SLCO1A2: variants seen among roughly 807,000 people sequenced by gnomAD.
The protein encoded by SLCO1A2 is solute carrier organic anion transporter family member 1A2.
In SLCO1A2, 67 loss-of-function variants were observed where a neutral mutation model predicts 69.0. The observed-to-expected ratio is 0.97, with a 90% CI of 0.80 to 1.19. SLCO1A2 has a LOEUF of 1.19. Ranked by LOEUF, SLCO1A2 falls within the 50% of genes most tolerant of loss-of-function variation. The pLI, the probability that SLCO1A2 is intolerant of heterozygous loss-of-function variation, is 0.00. For missense variants in SLCO1A2, 787 were observed against 793.7 expected (o/e 0.99, Z 0.10); for synonymous variants, 260 against 265.9 (o/e 0.98, Z 0.22).
intron 12 of SLCO1A2, among the ~76,000 whole-genome samples, chr12:21,279,174 A>G (rs2136151116): frequency 6.6e-6 from 1 of 152,176 alleles, no homozygotes; most frequent in Middle Eastern, 3.4e-3. Flanking sequence ...CAAAAGAAAA[A>G]AAGAATAAAA....
At chr12:21,411,506 T>C (rs1941906887) in intron 1 of SLCO1A2, among the ~76,000 whole-genome samples, 1 of 152,180 alleles carries the variant, frequency 6.6e-6, no homozygotes. Context: ...TATGGCTTTA[T>C]CATAAGCATT....
intron 1 of SLCO1A2, among the ~76,000 whole-genome samples, chr12:21,393,614 A>G (rs749282362): frequency 7.2e-5 from 11 of 152,194 alleles, no homozygotes; most frequent in Non-Finnish European, 1.5e-4. Context: ...ACAATGCCCA[A>G]TTTAATTTTT....
intron 1 of SLCO1A2, among the ~76,000 whole-genome samples, chr12:21,383,380 C>T (rs1207783518): frequency 6.6e-6 from 1 of 152,172 alleles, no homozygotes; most frequent in African/African-American, 2.4e-5. Context: ...ACGTCCTCCC[C>T]ATGGAATTTT....
upstream of SLCO1A2, chr12:21,395,454 C>A (rs1392028964): frequency 6.5e-6 from 1 of 154,886 alleles, no homozygotes; most frequent in Non-Finnish European, 1.4e-5. Context: ...GGAGGGGCGC[C>A]CGCCATTGCC....
intron 1 of SLCO1A2, among the ~76,000 whole-genome samples, chr12:21,412,963 G>C (rs1178616214): frequency 6.6e-6 from 1 of 152,178 alleles, no homozygotes; most frequent in Non-Finnish European, 1.5e-5. Flanking sequence ...CTGGTACCCA[G>C]TTCTGCCAGA....
chr12:21,298,985 A>G (rs1362438751), intron 8 of SLCO1A2, among the ~76,000 whole-genome samples: 1 of 152,170 alleles, frequency 6.6e-6, no homozygotes, highest in Non-Finnish European at 1.5e-5. Flanking sequence ...AGAAACAACA[A>G]TGACAACATA....
At chr12:21,364,998 T>A (rs1004973787) in intron 2 of SLCO1A2, among the ~76,000 whole-genome samples, 1 of 152,092 alleles carries the variant, frequency 6.6e-6, no homozygotes, top group Non-Finnish European at 1.5e-5. Flanking sequence ...TTCAATGCCA[T>A]CCCCATCAAG....
rs1296801368 is a variant in SLCO1A2, at chr12:21,314,742, TC to T, written c.203-62del. On this transcript the variant is annotated intron_variant, in intron 3 of 14. Transcript: ENST00000683939. The stretch of plus-strand genomic sequence containing the variant: ...ATGAACAAAGTCTTAATTAAGAGCC[TC>T]ACCCAATCATTTACATTCTAGCATT... 5 of 1,228,426 alleles carry T rather than the reference TC, an allele frequency of 4.1e-6. No homozygotes were observed. The African/African-American group carries it at 7.5e-5, about 19-fold the overall frequency. The allele number at this position is 1,228,426 out of a possible 1,614,324, so 76.1% of individuals were successfully genotyped here.
intron 2 of SLCO1A2, among the ~76,000 whole-genome samples, chr12:21,369,208 T>C (rs1565519292): frequency 6.6e-6 from 1 of 152,224 alleles, no homozygotes. Context: ...ATGAATTATA[T>C]CCTGACACTC....
intron 8 of SLCO1A2, among the ~76,000 whole-genome samples, chr12:21,298,914 G>T (rs536678688): frequency 6.6e-6 from 1 of 152,120 alleles, no homozygotes; most frequent in Non-Finnish European, 1.5e-5. Flanking sequence ...TGATTTAAGA[G>T]AATTTACAAT....
At chr12:21,412,828 A>G (rs533728307) in intron 1 of SLCO1A2, among the ~76,000 whole-genome samples, 39 of 152,308 alleles carry the variant, frequency 2.6e-4, no homozygotes, top group African/African-American at 9.1e-4. Context: ...GAATAAGGAT[A>G]TAGATAAAAA....
intron 1 of SLCO1A2, among the ~76,000 whole-genome samples, chr12:21,401,676 T>G (rs1188810590): frequency 1.3e-5 from 2 of 151,790 alleles, no homozygotes; most frequent in African/African-American, 2.4e-5. Context: ...ACTTAAAATT[T>G]TATATGGAAG....
chr12:21,329,200 A>G (rs888007247), intron 2 of SLCO1A2, among the ~76,000 whole-genome samples: 1 of 152,194 alleles, frequency 6.6e-6, no homozygotes, highest in African/African-American at 2.4e-5. Flanking sequence ...AGGTTTCTCA[A>G]GAAGCTGATT....
rs1050043496 is a variant in SLCO1A2 at position 21,359,324 on chromosome 12, TA to T, written c.-63+15074del. On this transcript the variant is annotated intron_variant, in intron 2 of 15. Coordinates refer to the SLCO1A2 transcript ENST00000307378. The stretch of plus-strand genomic sequence containing the variant: ...AAAGGGAAGAAGAAAAACACTAGTT[TA>T]AAAACAGGGAAAATCAACTAAATTA... 5.3e-5 allele frequency among the ~76,000 whole-genome samples: 8 copies of T among 151,976 alleles called. 1 individual carries two copies. Among genetic ancestry groups the T allele is most frequent in the Admixed American group, 3.9e-4 (6 of 15,278 alleles).
chr12:21,342,711 A>C (rs537014536), intron 2 of SLCO1A2, among the ~76,000 whole-genome samples: 68 of 152,240 alleles, frequency 4.5e-4, no homozygotes, highest in African/African-American at 1.6e-3. Context: ...ATTATCTACA[A>C]GCATATCGAT....
intron 2 of SLCO1A2, among the ~76,000 whole-genome samples, chr12:21,361,676 A>C (rs12823714): frequency 2.6e-5 from 4 of 151,874 alleles, no homozygotes; most frequent in East Asian, 1.9e-4. Context: ...GTGTAGAGAA[A>C]AGACAGTGTA....
At chr12:21,377,240 T>C (rs1940265258) in intron 1 of SLCO1A2, among the ~76,000 whole-genome samples, 1 of 152,104 alleles carries the variant, frequency 6.6e-6, no homozygotes, top group African/African-American at 2.4e-5. Context: ...AAGCATAAGA[T>C]CCAAGCAGGA....
Position 21,300,394 on chromosome 12 carries a change from G to T in SLCO1A2, c.864C>A (p.Asp288Glu), listed in dbSNP as rs141690450. Residue 288 changes from aspartate (D) to glutamate (E), a missense_variant, in exon 8 of 15, where the codon GAC becomes GAA. Physicochemically the swap from Asp to Glu is conservative, Grantham distance 45. Transcript: ENST00000683939. ...CCTTCTTGACCTCTTCTTTTTGTTTGTCTTCATTTTCATTTTTAATGATGT... is the reference window on the plus strand; with the variant it reads ...CCTTCTTGACCTCTTCTTTTTGTTTTTCTTCATTTTCATTTTTAATGATGT... ...NADIIKNENE[D>E]KQKEEVKKEK... 181 of 1,612,416 alleles carry T rather than the reference G, an allele frequency of 1.1e-4. 1 individual carries two copies. Among genetic ancestry groups the T allele is most frequent in the Admixed American group, 8.4e-5 (5 of 59,794 alleles).
chr12:21,321,028 T>C (rs1290767861), intron 2 of SLCO1A2, among the ~76,000 whole-genome samples: 4 of 152,210 alleles, frequency 2.6e-5, no homozygotes, highest in African/African-American at 9.6e-5. Flanking sequence ...TGCTACAGGC[T>C]GGTGTTTCTT....
Sources: gnomAD v4.1 joint callset for allele counts (sites outside exome capture counted in the v4.1 genomes callset) on GRCh38, gnomAD v4.1.1 for gene constraint, MANE v1.5 for transcripts, NCBI Gene and HGNC (gene_info 2026-07-23, HGNC 2026-07-21) for gene names.